The following PLCB1 variants were observed in gnomAD, a reference collection of about 807,000 sequenced individuals.
PLCB1 encodes phospholipase C beta 1.
A neutral mutation model predicts 161.8 loss-of-function variants in PLCB1; 46 were observed. That is an observed-to-expected ratio of 0.28 (90% CI 0.22 to 0.36). The LOEUF (loss-of-function observed/expected upper bound fraction) is 0.36, where lower values mean the gene tolerates loss of function less well. Ranked by LOEUF, PLCB1 falls within the 10% of genes least tolerant of loss-of-function variation. The pLI is 1.00. For missense variants in PLCB1, 1,016 were observed against 1,472.5 expected, an observed-to-expected ratio of 0.69 and a Z score of 5.07; for synonymous variants, 517 against 503.7, an observed-to-expected ratio of 1.03 and a Z score of -0.35.
intron 2 of PLCB1, among the ~76,000 whole-genome samples, chr20:8,336,517 T>C (rs1324455136): frequency 6.6e-6 from 1 of 152,168 alleles, no homozygotes. Flanking sequence ...TCTCCACATT[T>C]AGTATTCATG....
chr20:8,355,053 G>A (rs1427047375), intron 2 of PLCB1, among the ~76,000 whole-genome samples: 1 of 152,124 alleles, frequency 6.6e-6, no homozygotes, highest in African/African-American at 2.4e-5. Flanking sequence ...TGGAACCCTA[G>A]TTGTACAACT....
chr20:8,144,853 G>A (rs780686664), intron 1 of PLCB1, among the ~76,000 whole-genome samples: 3 of 152,100 alleles, frequency 2.0e-5, no homozygotes, highest in Non-Finnish European at 4.4e-5. Context: ...CTGTGGTATC[G>A]ATTAGTTTAG....
intron 31 of PLCB1, among the ~76,000 whole-genome samples, chr20:8,822,085 C>T (rs1339767655): frequency 2.0e-5 from 3 of 148,048 alleles, no homozygotes; most frequent in African/African-American, 7.7e-5. Context: ...ATATCTTATT[C>T]TTGTGATTAC....
intron 3 of PLCB1, among the ~76,000 whole-genome samples, chr20:8,479,058 G>C (rs1300507645): frequency 6.6e-6 from 1 of 152,022 alleles, no homozygotes; most frequent in Non-Finnish European, 1.5e-5. Flanking sequence ...CTATTATGGA[G>C]TAATAATATT....
intron 18 of PLCB1, among the ~76,000 whole-genome samples, chr20:8,731,626 G>A (rs1415446830): frequency 6.6e-6 from 1 of 151,922 alleles, no homozygotes; most frequent in Admixed American, 6.6e-5. Context: ...CATCCATTGG[G>A]ATGATCATAT....
chr20:8,170,371 G>A (rs888500685), intron 2 of PLCB1, among the ~76,000 whole-genome samples: 10 of 151,944 alleles, frequency 6.6e-5, no homozygotes, highest in African/African-American at 2.4e-4. Flanking sequence ...AGGTAAAAAG[G>A]GGGAAGCACT....
intron 3 of PLCB1, among the ~76,000 whole-genome samples, chr20:8,374,975 A>G (rs1379333163): frequency 2.6e-5 from 4 of 152,212 alleles, no homozygotes; most frequent in Non-Finnish European, 5.9e-5. Context: ...GTGATTTGAA[A>G]TAACATTTAC....
intron 23 of PLCB1, among the ~76,000 whole-genome samples, chr20:8,752,914 A>G (rs1981555479): frequency 6.6e-6 from 1 of 152,122 alleles, no homozygotes; most frequent in African/African-American, 2.4e-5. Context: ...GTAGCTTATT[A>G]GGACCTGGCC....
chr20:8,541,792 A>C (rs1985343516), intron 3 of PLCB1, among the ~76,000 whole-genome samples: 1 of 152,226 alleles, frequency 6.6e-6, no homozygotes, highest in Non-Finnish European at 1.5e-5. Context: ...ATCAATACTG[A>C]CCTGCAAGCA....
At chr20:8,471,668 G>A (rs1358356111) in intron 3 of PLCB1, among the ~76,000 whole-genome samples, 3 of 152,100 alleles carry the variant, frequency 2.0e-5, no homozygotes, top group Non-Finnish European at 4.4e-5. Flanking sequence ...GTGCATAATT[G>A]ACCCCCTGCT....
chr20:8,162,677 G>A (rs1213780071), intron 2 of PLCB1, among the ~76,000 whole-genome samples: 1 of 152,188 alleles, frequency 6.6e-6, no homozygotes, highest in Non-Finnish European at 1.5e-5. Flanking sequence ...ACTCCACTTA[G>A]GAACAGTGGT....
At chr20:8,744,577 T>C (rs772905435) in intron 23 of PLCB1, among the ~76,000 whole-genome samples, 1 of 134,658 alleles carries the variant, frequency 7.4e-6, no homozygotes, top group South Asian at 2.3e-4. Flanking sequence ...TACTATACCC[T>C]AGCCTGGGCC....
chr20:8,749,162 C>T (rs1260293138), intron 23 of PLCB1, among the ~76,000 whole-genome samples: 2 of 152,162 alleles, frequency 1.3e-5, no homozygotes, highest in African/African-American at 2.4e-5. Flanking sequence ...AAACACAGAT[C>T]GATGGGTGTC....
chr20:8,419,523 A>G lies in PLCB1; in HGVS notation c.246+48073A>G, dbSNP rs7265523. Among the ~76,000 whole-genome samples, 1,200 of 152,304 alleles carry G rather than the reference A, an allele frequency of 7.9e-3. 16 individuals are homozygous for G. Among genetic ancestry groups the G allele is most frequent in the African/African-American group, 0.027 (1,128 of 41,556 alleles). ...TTCTACTTTTCACTTTCAGCACAGT[A>G]TTCAATAAGTTGCGAGAGATATTCA... On this transcript the variant is annotated intron_variant, in intron 3 of 31. Transcript: ENST00000338037.
intron 3 of PLCB1, among the ~76,000 whole-genome samples, chr20:8,442,952 A>T (rs1386328003): frequency 1.3e-5 from 2 of 151,950 alleles, no homozygotes; most frequent in Admixed American, 6.6e-5. Flanking sequence ...CTTTGATTAT[A>T]AAATTATCTT....
intron 3 of PLCB1, among the ~76,000 whole-genome samples, chr20:8,405,462 C>T (rs570758813): frequency 1.3e-5 from 2 of 152,246 alleles, no homozygotes; most frequent in South Asian, 2.1e-4. Flanking sequence ...TCGCCCAAAG[C>T]AAGTCTCAAG....
rs895191626 is a variant in PLCB1, at chr20:8,599,570, T to C, written c.247-28724T>C. Among the ~76,000 whole-genome samples, 6 of 39,148 alleles carry C rather than the reference T, an allele frequency of 1.5e-4. 2 individuals are homozygous for C. Among genetic ancestry groups the C allele is most frequent in the African/African-American group, 5.9e-4 (6 of 10,112 alleles). The allele number at this position is 39,148 out of a possible 152,430, so 25.7% of individuals were successfully genotyped here. A position where few individuals can be genotyped will look rare whatever the true frequency, so the allele number is the denominator to read the frequency against. On this transcript the variant is annotated intron_variant, in intron 3 of 31. Coordinates refer to ENST00000338037, the MANE Select transcript of PLCB1 (RefSeq NM_015192.4). ...TTTCAACTTTGGTGAATCTGACAAT[T>C]GTGTGTCTTGGAGTTGCTCTTCTCG... is the stretch of plus-strand genomic sequence containing the variant.
At chr20:8,619,107 C>T (rs768353230) in intron 3 of PLCB1, among the ~76,000 whole-genome samples, 1 of 152,136 alleles carries the variant, frequency 6.6e-6, no homozygotes, top group Non-Finnish European at 1.5e-5. Flanking sequence ...GAAATTTTCT[C>T]GCTCCTTTTA....
Position 8,651,463 on chromosome 20 carries a change from T to C in PLCB1, c.594+2014T>C. 2.7e-6 allele frequency: 2 copies of C among 727,640 alleles called. No homozygotes were observed. The highest frequency in any genetic ancestry group is 5.1e-6 in the Non-Finnish European group (2 of 389,760). The allele number at this position is 727,640 out of a possible 1,614,324, so 45.1% of individuals were successfully genotyped here. On this transcript the variant is annotated intron_variant, in intron 7 of 31. Coordinates refer to ENST00000338037, the MANE Select transcript of PLCB1 (RefSeq NM_015192.4). The stretch of plus-strand genomic sequence containing the variant: ...AAAGTGAGCAGAGCTGTGGAAAGGC[T>C]CCCCCAAAACATTTTCACCTTCATT...
Sources: allele counts gnomAD v4.1 joint callset (sites outside exome capture counted in the v4.1 genomes callset), GRCh38; gene constraint gnomAD v4.1.1; transcripts MANE v1.5; gene names NCBI Gene and HGNC (gene_info 2026-07-23, HGNC 2026-07-21).